The following NIN variants were observed in gnomAD, a reference collection of about 807,000 sequenced individuals.
The protein encoded by NIN is ninein, also known as glycogen synthase kinase 3 beta-interacting protein.
A neutral mutation model predicts 257.6 loss-of-function variants in NIN; 137 were observed. That is an observed-to-expected ratio of 0.53 (90% CI 0.46 to 0.61). The LOEUF (loss-of-function observed/expected upper bound fraction) is 0.61. Ranked by LOEUF, NIN falls within the 20% of genes least tolerant of loss-of-function variation. NIN has a pLI of 0.00. For synonymous variants in NIN, 918 were observed against 919.8 expected, an observed-to-expected ratio of 1.00 and a Z score of 0.04; for missense variants, 2,439 against 2,501.2, an observed-to-expected ratio of 0.98 and a Z score of 0.53.
At chr14:50,798,570 T>A (rs1056110214) in intron 4 of NIN, among the ~76,000 whole-genome samples, 2 of 152,228 alleles carry the variant, frequency 1.3e-5, no homozygotes, top group Admixed American at 1.3e-4. Context: ...AACCTTTTCA[T>A]AGGAGGATCA....
At chr14:50,778,991 C>T (rs2043024953) in intron 5 of NIN, among the ~76,000 whole-genome samples, 187 bp from the exon 6 acceptor site, 1 of 152,194 alleles carries the variant, frequency 6.6e-6, no homozygotes, top group Non-Finnish European at 1.5e-5. Context: ...CAGGACGAGA[C>T]TCCTAAGAAA....
intron 17 of NIN, among the ~76,000 whole-genome samples, chr14:50,759,265 C>T (rs2042168659): frequency 1.3e-5 from 2 of 152,182 alleles, no homozygotes; most frequent in Admixed American, 1.3e-4. Flanking sequence ...GAAGGAACCA[C>T]TTTTGGGATA....
intron 30 of NIN, among the ~76,000 whole-genome samples, chr14:50,724,884 G>A (rs2140307953): frequency 6.6e-6 from 1 of 152,290 alleles, no homozygotes; most frequent in East Asian, 1.9e-4. Flanking sequence ...GATCAAATAT[G>A]TCTTTCTCTT....
At chr14:50,765,820 T>C (rs2042457126) in intron 14 of NIN, among the ~76,000 whole-genome samples, 2 of 148,668 alleles carry the variant, frequency 1.3e-5, no homozygotes, top group South Asian at 4.3e-4. Context: ...TTTTGAATAA[T>C]AATGTTAATA....
rs1203518282 is a variant in NIN, at chr14:50,767,024, A to C, written c.1435-134T>G. On this transcript the variant is annotated intron_variant, in intron 12 of 30. Coordinates refer to ENST00000530997, the MANE Select transcript of NIN (RefSeq NM_020921.4). ...TATCTTAAAAGCTGTAGTAGACTAC[A>C]GGAGGCAAAAGTAAATATAAAAGGT... 26 of 625,754 alleles carry C rather than the reference A, an allele frequency of 4.2e-5. No homozygotes were observed. The East Asian group carries it at 6.9e-4, about 17-fold the overall frequency. The allele number at this position is 625,754 out of a possible 1,614,324, so 38.8% of individuals were successfully genotyped here. A position where few individuals can be genotyped will look rare whatever the true frequency, so the allele number is the denominator to read the frequency against.
chr14:50,759,192 G>A (rs2042165524), intron 17 of NIN, among the ~76,000 whole-genome samples: 2 of 152,168 alleles, frequency 1.3e-5, no homozygotes, highest in Admixed American at 1.3e-4. Context: ...GGGAGGAAAT[G>A]TAACCTTGCC....
intron 13 of NIN, 72 bp downstream of exon 13, chr14:50,766,708 T>C (rs757127289): frequency 1.3e-4 from 130 of 1,037,078 alleles, no homozygotes; most frequent in African/African-American, 6.4e-4. Context: ...TCTGGTGGCA[T>C]TGCTCCTGTT....
rs200662418 is a variant in NIN at position 50,757,361 on chromosome 14, G to A, written c.3669C>T (p.Asp1223=). ...DCDRASEKKQ[D]LLFDVSVLKK... ...TTAGCACAGAAACATCAAAAAGTAG[G>A]TCCTGTTTCTTTTCAGAAGCTCGAT... Residue 1223 remains aspartate (D), a synonymous_variant, in exon 18 of 31, where the codon GAC becomes GAT. Coordinates refer to ENST00000530997, the MANE Select transcript of NIN (RefSeq NM_020921.4). 2.5e-6 allele frequency: 4 copies of A among 1,613,826 alleles called. No individual in the cohort carries two copies. The South Asian group carries it at 3.3e-5, about 13-fold the overall frequency.
At chr14:50,753,266 G>A (rs187323990) in intron 20 of NIN, among the ~76,000 whole-genome samples, 1 of 152,292 alleles carries the variant, frequency 6.6e-6, no homozygotes, top group East Asian at 1.9e-4. Context: ...CGGGTGTGGT[G>A]GCATGTGCCT....
chr14:50,791,197 T>C (rs760027089), intron 5 of NIN, among the ~76,000 whole-genome samples: 6 of 152,174 alleles, frequency 3.9e-5, no homozygotes, highest in African/African-American at 1.4e-4. Context: ...TTCCTGACAA[T>C]AAGAAAACTA....
Position 50,752,600 on chromosome 14 carries a change from T to C in NIN, c.4868A>G (p.Lys1623Arg), listed in dbSNP as rs2140718932. 1.9e-6 allele frequency: 3 copies of C among 1,614,144 alleles called. No individual in the cohort carries two copies. The highest frequency in any genetic ancestry group is 2.5e-6 in the Non-Finnish European group (3 of 1,179,994). The part of the protein sequence containing the change: ...RLTEMLCQKE[K>R]EPGNSALEER... ...CTCCAATGCACTGTTTCCTGGCTCT[T>C]TTTCCTTCTGGCATAGCATTTCTGT... Residue 1623 changes from lysine to arginine, a missense_variant, in exon 21 of 31, where the codon AAA (lysine) becomes AGA (arginine). Physicochemically the swap from Lys to Arg is conservative, Grantham distance 26 (BLOSUM62 2). This residue lies in a region of NIN where 2,043 missense variants were observed against 2,050.2 expected (regional missense o/e 1.00). Coordinates refer to ENST00000530997, the MANE Select transcript of NIN (RefSeq NM_020921.4).
At chr14:50,770,330 G>A in intron 12 of NIN, 58 bp downstream of exon 12, 1 of 1,542,256 alleles carries the variant, frequency 6.5e-7, no homozygotes. Flanking sequence ...CAAAGCTGTA[G>A]TTTTCCACGT....
chr14:50,727,501 C>A, intron 29 of NIN: 2 of 1,199,440 alleles, frequency 1.7e-6, no homozygotes, highest in Non-Finnish European at 2.1e-6. Flanking sequence ...CAAGATCTGT[C>A]ATTTCTACAT....
chr14:50,770,552 C>T lies in NIN; in HGVS notation c.1270G>A (p.Glu424Lys). The change falls in exon 12 of 31, where the codon GAA becomes AAA. Residue 424 changes from glutamate (E) to lysine (K), a missense_variant. Transcript: ENST00000530997. ...RNEYNLRKLD[E>K]EYKERIAALK... Reference sequence around the variant, plus strand: ...GCTGCTATTCGCTCCTTGTACTCTTCATCCAGTTTCCTGTAACGAAGAAAA... The same window carrying T: ...GCTGCTATTCGCTCCTTGTACTCTTTATCCAGTTTCCTGTAACGAAGAAAA... 1 of 1,613,386 alleles carries T rather than the reference C, an allele frequency of 6.2e-7. No homozygotes were observed. Among genetic ancestry groups the T allele is most frequent in the Non-Finnish European group, 8.5e-7 (1 of 1,179,848 alleles).
At chr14:50,738,112 T>G (rs755976937) in intron 27 of NIN, 28 bp downstream of exon 27, 1 of 1,611,318 alleles carries the variant, frequency 6.2e-7, no homozygotes, top group South Asian at 1.1e-5. Context: ...AGAACACAGA[T>G]GTACGCCATA....
rs1244135178 is a variant in NIN at position 50,760,185 on chromosome 14, G to A, written c.2071C>T (p.His691Tyr). ...TCCTCATGCCTGCAAGTGGCCTCATGATGTGCCTCCTTGAGCACTGCTGCT... is the reference window on the plus strand; with the variant it reads ...TCCTCATGCCTGCAAGTGGCCTCATAATGTGCCTCCTTGAGCACTGCTGCT... ...GQAAVLKEAH[H>Y]EATCRHEEEK... The change falls in exon 17 of 31, where the codon CAT becomes TAT. Residue 691 changes from histidine to tyrosine, a missense_variant. His to Tyr is a moderately conservative substitution (Grantham distance 83). Transcript: ENST00000530997. 1.2e-5 allele frequency: 20 copies of A among 1,613,890 alleles called. No homozygotes were observed. Among genetic ancestry groups the A allele is most frequent in the Non-Finnish European group, 1.7e-5 (20 of 1,180,022 alleles).
At chr14:50,786,376 T>A (rs1285022982) in intron 5 of NIN, among the ~76,000 whole-genome samples, 1 of 148,538 alleles carries the variant, frequency 6.7e-6, no homozygotes, top group African/African-American at 2.5e-5. Context: ...TATTAGAAAT[T>A]GTTGATCTGG....
At chr14:50,802,023 T>C (rs1409138195) in intron 4 of NIN, among the ~76,000 whole-genome samples, 2 of 152,246 alleles carry the variant, frequency 1.3e-5, no homozygotes, top group African/African-American at 2.4e-5. Flanking sequence ...GTTGATGCCA[T>C]GTAGCTTGGA....
At chr14:50,749,838 T>C (rs1412037155) in intron 21 of NIN, among the ~76,000 whole-genome samples, 7 of 152,044 alleles carry the variant, frequency 4.6e-5, no homozygotes, top group South Asian at 2.1e-4. Flanking sequence ...TATAGGGGCA[T>C]GCCACCATGC....
Sources: allele counts gnomAD v4.1 joint callset (sites outside exome capture counted in the v4.1 genomes callset), GRCh38; gene constraint gnomAD v4.1.1; regional missense constraint gnomAD v4.1.1; transcripts MANE v1.5; gene names NCBI Gene and HGNC (gene_info 2026-07-23, HGNC 2026-07-21).